SUGCT: variants seen among roughly 807,000 people sequenced by gnomAD.
SUGCT encodes the protein succinyl-CoA:glutarate CoA-transferase.
SUGCT carries 41 observed loss-of-function variants against 55.0 expected under a neutral mutation model. That is an observed-to-expected ratio of 0.74 (90% CI 0.58 to 0.97). SUGCT has a LOEUF of 0.97. Among genes scored for constraint, SUGCT ranks in the 50% least tolerant of loss-of-function variants. SUGCT has a pLI of 0.00. For missense variants in SUGCT, 568 were observed against 547.8 expected (o/e 1.04, Z -0.37); for synonymous variants, 187 against 200.4 (o/e 0.93, Z 0.56).
At chr7:40,577,789 T>C (rs1201277312) in intron 12 of SUGCT, among the ~76,000 whole-genome samples, 1 of 152,188 alleles carries the variant, frequency 6.6e-6, no homozygotes. Context: ...ATCAAGGTAC[T>C]CTATTCTAAG....
intron 9 of SUGCT, among the ~76,000 whole-genome samples, chr7:40,317,412 T>C (rs936131067): frequency 6.6e-6 from 1 of 152,218 alleles, no homozygotes. Context: ...CTGTGATCTT[T>C]CAAAAATAAA....
chr7:40,656,214 A>G (rs945714833), intron 12 of SUGCT, among the ~76,000 whole-genome samples: 17 of 151,398 alleles, frequency 1.1e-4, no homozygotes, highest in African/African-American at 3.7e-4. Context: ...TTAAGTCAAA[A>G]TCATGCTTAT....
intron 1 of SUGCT, 29 bp downstream of exon 1, chr7:40,135,149 T>TA: frequency 1.2e-5 from 18 of 1,522,748 alleles, no homozygotes; most frequent in Non-Finnish European, 1.6e-5. Context: ...TCTGGGTGGC[T>TA]AAAGGGATCC....
chr7:40,355,871 C>T (rs1054906215), intron 9 of SUGCT, among the ~76,000 whole-genome samples: 1 of 152,222 alleles, frequency 6.6e-6, no homozygotes, highest in Non-Finnish European at 1.5e-5. Context: ...GTAGTTATAT[C>T]AATCCACAGC....
chr7:40,724,641 G>A (rs552620886), intron 12 of SUGCT, among the ~76,000 whole-genome samples: 1 of 151,158 alleles, frequency 6.6e-6, no homozygotes, highest in Admixed American at 6.6e-5. Context: ...GTGGTTTACT[G>A]TTCTTTTTCT....
intron 9 of SUGCT, among the ~76,000 whole-genome samples, chr7:40,320,188 C>A (rs182120442): frequency 1.3e-5 from 2 of 151,918 alleles, no homozygotes; most frequent in East Asian, 1.9e-4. Flanking sequence ...CTTACTGCAA[C>A]CTCCACCTCC....
intron 11 of SUGCT, among the ~76,000 whole-genome samples, chr7:40,481,490 G>T: frequency 6.6e-6 from 1 of 151,818 alleles, no homozygotes; most frequent in East Asian, 1.9e-4. Context: ...GTCCTTGAGA[G>T]CCAGAAGTAT....
At chr7:40,180,814 C>CT in intron 1 of SUGCT, 133 bp from the exon 2 acceptor site, 2 of 686,542 alleles carry the variant, frequency 2.9e-6, no homozygotes, top group Non-Finnish European at 5.0e-6. Context: ...TTACTAGAGT[C>CT]TTGTGGTCTG....
intron 9 of SUGCT, among the ~76,000 whole-genome samples, chr7:40,360,289 C>T (rs1012952564): frequency 6.6e-6 from 1 of 152,230 alleles, no homozygotes; most frequent in Non-Finnish European, 1.5e-5. Flanking sequence ...GTTGGGATAA[C>T]AGGCATGAGC....
intron 13 of SUGCT, among the ~76,000 whole-genome samples, chr7:40,846,754 G>A (rs534873852): frequency 1.2e-4 from 18 of 152,294 alleles, no homozygotes; most frequent in African/African-American, 4.1e-4. Flanking sequence ...TCCACATTAT[G>A]CAGGGAGGAA....
At chr7:40,916,651 A>G in the SUGCT span, among the ~76,000 whole-genome samples, 1 of 152,172 alleles carries the variant, frequency 6.6e-6, no homozygotes, top group Non-Finnish European at 1.5e-5. Context: ...ACATTCTACT[A>G]TCTGGTGTTT....
chr7:41,008,255 G>A, the SUGCT span, among the ~76,000 whole-genome samples: 1 of 152,218 alleles, frequency 6.6e-6, no homozygotes, highest in South Asian at 2.1e-4. Flanking sequence ...TTCCATGCAA[G>A]TGCTGTATGT....
intron 12 of SUGCT, among the ~76,000 whole-genome samples, chr7:40,658,224 A>G (rs577991856): frequency 1.2e-4 from 19 of 152,304 alleles, no homozygotes; most frequent in Non-Finnish European, 2.8e-4. Flanking sequence ...CAGCATGAAT[A>G]TATGATGTAT....
At chr7:40,205,371 G>T (rs1407809903) in intron 6 of SUGCT, among the ~76,000 whole-genome samples, 1 of 150,830 alleles carries the variant, frequency 6.6e-6, no homozygotes, top group African/African-American at 2.4e-5. Context: ...GCCGGGCGCG[G>T]TGGCTCACGC....
intron 2 of SUGCT, 80 bp downstream of exon 2, chr7:40,181,078 A>G (rs749874337): frequency 2.7e-5 from 27 of 992,962 alleles, no homozygotes; most frequent in Non-Finnish European, 4.0e-5. Flanking sequence ...AATTATAAGA[A>G]GAGACTTATA....
At chr7:40,529,184 G>A (rs370397012) in intron 12 of SUGCT, among the ~76,000 whole-genome samples, 5 of 152,204 alleles carry the variant, frequency 3.3e-5, no homozygotes, top group African/African-American at 4.8e-5. Flanking sequence ...TCTTGAAACT[G>A]GGAGTGGACA....
At chr7:40,267,227 A>G (rs1791649146) in intron 7 of SUGCT, among the ~76,000 whole-genome samples, 1 of 152,140 alleles carries the variant, frequency 6.6e-6, no homozygotes, top group African/African-American at 2.4e-5. Flanking sequence ...TTTATTGATG[A>G]CAGTCATATC....
chr7:40,870,275 G>A, the SUGCT span, among the ~76,000 whole-genome samples: 3 of 152,092 alleles, frequency 2.0e-5, no homozygotes, highest in South Asian at 6.3e-4. Flanking sequence ...TCCTCACATA[G>A]TCCAGCATCT....
chr7:40,355,765 T>C (rs1431710013), intron 9 of SUGCT, among the ~76,000 whole-genome samples: 2 of 152,250 alleles, frequency 1.3e-5, no homozygotes, highest in Non-Finnish European at 2.9e-5. Context: ...ATCATTAGAA[T>C]TGATTTCAAA....
Sources: allele counts gnomAD v4.1 joint callset (sites outside exome capture counted in the v4.1 genomes callset), GRCh38; gene constraint gnomAD v4.1.1; transcripts MANE v1.5; gene names NCBI Gene and HGNC (gene_info 2026-07-23, HGNC 2026-07-21).